Variants in JPH3 observed in about 807,000 individuals in gnomAD.
The protein encoded by JPH3 is junctophilin-3.
Under a neutral mutation model 59.6 loss-of-function variants are expected in JPH3, and 11 were observed. That is an observed-to-expected ratio of 0.18 (90% CI 0.12 to 0.31). JPH3 has a LOEUF of 0.31. Ranked by LOEUF, JPH3 falls within the 10% of genes least tolerant of loss-of-function variation. The probability of loss-of-function intolerance (pLI) is 1.00; values close to 1 mark genes in which losing one functional copy is unlikely to be tolerated. For missense variants in JPH3, 1,202 were observed against 1,105.7 expected, an observed-to-expected ratio of 1.09 and a Z score of -1.24; for synonymous variants, 673 against 483.6, an observed-to-expected ratio of 1.39 and a Z score of -5.14.
At chr16:87,643,682 A>G (rs1030456248) in intron 1 of JPH3, among the ~76,000 whole-genome samples, 1 of 152,140 alleles carries the variant, frequency 6.6e-6, no homozygotes, top group African/African-American at 2.4e-5. Context: ...ACTCTGCACC[A>G]CAGACTCTGA....
rs538190270 is a variant in JPH3 at position 87,645,026 on chromosome 16, C to T, written c.1151C>T (p.Ala384Val). The T allele has an allele frequency of 3.6e-5, 57 of 1,601,854 alleles. No individual in the cohort carries two copies. Among genetic ancestry groups the T allele is most frequent in the East Asian group, 1.6e-4 (7 of 44,814 alleles). ...ATCGCCAAGCAGAAGGCTGAGATCG[C>T]GGCTTCCAGGTAGGAGGGCGAGGGG... ...ATIAKQKAEIAASRTSHSRAK... is the reference protein window; with the variant it reads ...ATIAKQKAEIVASRTSHSRAK... The change falls in exon 2 of 5, where the codon GCG (alanine) becomes GTG (valine). Residue 384 changes from alanine (A) to valine (V), a missense_variant. Physicochemically the swap from Ala to Val is moderately conservative, Grantham distance 64. Transcript: ENST00000284262.
At chr16:87,695,781 T>A (rs2033813272) in intron 4 of JPH3, 1 of 455,894 alleles carries the variant, frequency 2.2e-6, no homozygotes, top group Non-Finnish European at 4.4e-6. Flanking sequence ...CAAGAATCAC[T>A]GCAGAAGGGC....
At chr16:87,678,428 A>G (rs1234823480) in intron 2 of JPH3, among the ~76,000 whole-genome samples, 4 of 152,170 alleles carry the variant, frequency 2.6e-5, no homozygotes, top group African/African-American at 9.6e-5. Flanking sequence ...AGTCCCAGCT[A>G]CTTGGGAGGC....
At chr16:87,620,539 G>A (rs1567585030) in intron 1 of JPH3, among the ~76,000 whole-genome samples, 1 of 149,706 alleles carries the variant, frequency 6.7e-6, no homozygotes, top group Non-Finnish European at 1.5e-5. Flanking sequence ...TGTGAGGAGA[G>A]GGAGGGGAAG....
intron 2 of JPH3, among the ~76,000 whole-genome samples, chr16:87,658,327 A>G (rs945552481): frequency 1.3e-5 from 2 of 151,528 alleles, no homozygotes; most frequent in Non-Finnish European, 2.9e-5. Flanking sequence ...TAGGACAGGA[A>G]TTTTCTCTGT....
At chr16:87,680,147 G>A (rs1470766589) in intron 2 of JPH3, among the ~76,000 whole-genome samples, 1 of 152,266 alleles carries the variant, frequency 6.6e-6, no homozygotes, top group Non-Finnish European at 1.5e-5. Context: ...TGCCCTGGGT[G>A]CGCTGTTTCC....
At chr16:87,670,399 C>T (rs529904300) in intron 2 of JPH3, among the ~76,000 whole-genome samples, 40 of 152,340 alleles carry the variant, frequency 2.6e-4, no homozygotes, top group African/African-American at 8.9e-4. Context: ...GCCCCTGCTG[C>T]TCCCTGTGGT....
At chr16:87,675,750 G>A (rs955385827) in intron 2 of JPH3, among the ~76,000 whole-genome samples, 4 of 152,246 alleles carry the variant, frequency 2.6e-5, no homozygotes, top group African/African-American at 7.2e-5. Flanking sequence ...GGAAGCAGGT[G>A]TGGGGTGCCT....
chr16:87,623,259 C>A (rs553905812), intron 1 of JPH3, among the ~76,000 whole-genome samples: 38 of 152,312 alleles, frequency 2.5e-4, no homozygotes, highest in Admixed American at 5.9e-4. Context: ...GGCTGACACT[C>A]GGAGCCAGTA....
chr16:87,657,332 T>C (rs1299262667), intron 2 of JPH3, among the ~76,000 whole-genome samples: 2 of 152,172 alleles, frequency 1.3e-5, no homozygotes, highest in African/African-American at 4.8e-5. Context: ...ATGTGGCATG[T>C]GAAATCTCTA....
chr16:87,607,948 A>C (rs962630920), intron 1 of JPH3, among the ~76,000 whole-genome samples: 3 of 152,272 alleles, frequency 2.0e-5, no homozygotes, highest in Non-Finnish European at 4.4e-5. Flanking sequence ...GAAAGGAAGA[A>C]GCAAACAGCT....
chr16:87,682,099 G>A (rs1326419201), intron 2 of JPH3, among the ~76,000 whole-genome samples: 2 of 152,184 alleles, frequency 1.3e-5, no homozygotes, highest in Non-Finnish European at 2.9e-5. Context: ...CTGGGCCAGC[G>A]TTTGGAGCAC....
intron 1 of JPH3, among the ~76,000 whole-genome samples, chr16:87,626,416 C>T (rs189532938): frequency 6.6e-6 from 1 of 152,358 alleles, no homozygotes; most frequent in African/African-American, 2.4e-5. Context: ...GGCTCTCCTC[C>T]CAGCACCACC....
intron 1 of JPH3, among the ~76,000 whole-genome samples, chr16:87,643,109 C>G (rs959037627): frequency 6.6e-6 from 1 of 152,192 alleles, no homozygotes; most frequent in Non-Finnish European, 1.5e-5. Context: ...CGTGACTACT[C>G]TAAGGACCCC....
At chr16:87,666,541 A>G (rs2032867090) in intron 2 of JPH3, among the ~76,000 whole-genome samples, 3 of 151,764 alleles carry the variant, frequency 2.0e-5, no homozygotes, top group African/African-American at 7.3e-5. Context: ...ACAGGTGTGC[A>G]CCACCATGCC....
chr16:87,604,287 C>CCTCCTGCTG lies in JPH3; in HGVS notation c.382+761_382+762insCCTGCTGCT, dbSNP rs543846456. 7 of 1,432,804 alleles carry CCTCCTGCTG rather than the reference C, an allele frequency of 4.9e-6. No homozygotes were observed. In the African/African-American group the frequency reaches 7.3e-5, roughly 15 times the overall value. 88.8% of individuals were successfully genotyped at this position (1,432,804 alleles called of 1,614,324 possible). On this transcript the variant is annotated intron_variant, in intron 1 of 4. Coordinates refer to ENST00000284262, the MANE Select transcript of JPH3 (RefSeq NM_020655.4). Reference sequence around the variant, plus strand: ...GCCGGGGCCGGAAGCCAGGGAGCTGCCTGCTGCTGCTGCTGCTGCTGCTGC... The same window carrying CCTCCTGCTG: ...GCCGGGGCCGGAAGCCAGGGAGCTGCCTCCTGCTGCTGCTGCTGCTGCTGCTGCTGCTGC...
At chr16:87,658,422 TCCTC>T (rs928199419) in intron 2 of JPH3, among the ~76,000 whole-genome samples, 10 of 140,340 alleles carry the variant, frequency 7.1e-5, no homozygotes, top group Non-Finnish European at 1.1e-4. Context: ...CCCTCTCTTT[TCCTC>T]TCTATCTCCC....
intron 1 of JPH3, among the ~76,000 whole-genome samples, chr16:87,613,593 T>C: frequency 6.6e-6 from 1 of 152,184 alleles, no homozygotes; most frequent in East Asian, 1.9e-4. Flanking sequence ...AGTGCTGGGA[T>C]TACAGGTGTG....
At chr16:87,638,599 G>C (rs1416003033) in intron 1 of JPH3, among the ~76,000 whole-genome samples, 1 of 152,150 alleles carries the variant, frequency 6.6e-6, no homozygotes, top group East Asian at 1.9e-4. Flanking sequence ...GGCTGAGGTG[G>C]GTCGGCTTGG....
Sources: allele counts gnomAD v4.1 joint callset (sites outside exome capture counted in the v4.1 genomes callset), GRCh38; gene constraint gnomAD v4.1.1; transcripts MANE v1.5; gene names NCBI Gene and HGNC (gene_info 2026-07-23, HGNC 2026-07-21).